The following TENM2 variants were observed in gnomAD, a reference collection of about 807,000 sequenced individuals.
TENM2 encodes the protein teneurin-2.
In TENM2, 52 loss-of-function variants were observed where a neutral mutation model predicts 245.2. The ratio of observed to expected loss-of-function variants is 0.21; its 90% confidence interval spans 0.17 to 0.27. TENM2 has a LOEUF of 0.27. TENM2 is among the 10% of genes least tolerant of loss of function. TENM2 has a pLI of 1.00. For synonymous variants in TENM2, 1,363 were observed against 1,438.9 expected (o/e 0.95, Z 1.19); for missense variants, 3,046 against 3,666.8 (o/e 0.83, Z 4.37).
intron 2 of TENM2, among the ~76,000 whole-genome samples, chr5:167,771,134 ACTCTCT>A (rs144373096): frequency 6.7e-6 from 1 of 148,990 alleles, no homozygotes; most frequent in Non-Finnish European, 1.5e-5. Flanking sequence ...TCAATCGGTC[ACTCTCT>A]CTCTCTCTCT....
At chr5:167,021,390 A>G in the TENM2 span, among the ~76,000 whole-genome samples, 2 of 152,246 alleles carry the variant, frequency 1.3e-5, no homozygotes, top group South Asian at 4.1e-4. Flanking sequence ...TTAAAATGCT[A>G]TAAAAAACTG....
the TENM2 span, among the ~76,000 whole-genome samples, chr5:167,089,790 T>C: frequency 1.4e-4 from 22 of 152,296 alleles, no homozygotes; most frequent in Admixed American, 4.6e-4. Flanking sequence ...TCAGGCCTAG[T>C]TGACAAGCAG....
chr5:167,766,069 T>A (rs1454667287), intron 2 of TENM2, among the ~76,000 whole-genome samples: 1 of 152,164 alleles, frequency 6.6e-6, no homozygotes, highest in African/African-American at 2.4e-5. Flanking sequence ...GCAGAAATAT[T>A]ATAACTGAAT....
At chr5:167,161,406 G>A in the TENM2 span, among the ~76,000 whole-genome samples, 6 of 152,102 alleles carry the variant, frequency 3.9e-5, no homozygotes, top group African/African-American at 7.2e-5. Flanking sequence ...TTTCTTCCCC[G>A]TTCTTCAACT....
At chr5:167,054,896 G>T in the TENM2 span, among the ~76,000 whole-genome samples, 2 of 151,890 alleles carry the variant, frequency 1.3e-5, no homozygotes, top group African/African-American at 2.4e-5. Flanking sequence ...TTTTATTGTT[G>T]AGTTTTAAGG....
In TENM2 at chr5:167,612,899, G is replaced by T. The variant is rs528330193; in HGVS notation, c.502+237426G>T. Among the ~76,000 whole-genome samples the T allele has an allele frequency of 3.9e-5, 6 of 152,192 alleles. No individual in the cohort carries two copies. In the South Asian group the frequency reaches 1.2e-3, roughly 32 times the overall value. On this transcript the variant is annotated intron_variant, in intron 2 of 28. Coordinates refer to ENST00000518659, the Ensembl canonical transcript of TENM2. Reference sequence around the variant, plus strand: ...CAGAAATGGATGTGTCCACTGGAGAGTTTCCAGTAACAAAAATAGACATAT... The same window carrying T: ...CAGAAATGGATGTGTCCACTGGAGATTTTCCAGTAACAAAAATAGACATAT...
chr5:167,751,253 G>A (rs1164125685), intron 2 of TENM2, among the ~76,000 whole-genome samples: 2 of 152,124 alleles, frequency 1.3e-5, no homozygotes, highest in Non-Finnish European at 1.5e-5. Context: ...AAAACAGGAA[G>A]CCAGTGACAG....
chr5:167,390,316 G>A (rs1761677373), intron 2 of TENM2, among the ~76,000 whole-genome samples: 1 of 152,158 alleles, frequency 6.6e-6, no homozygotes, highest in Non-Finnish European at 1.5e-5. Flanking sequence ...TTGGAATGCA[G>A]GACTTTATAT....
intron 2 of TENM2, among the ~76,000 whole-genome samples, chr5:167,669,880 A>C (rs1425970946): frequency 6.6e-6 from 1 of 151,970 alleles, no homozygotes; most frequent in Non-Finnish European, 1.5e-5. Flanking sequence ...TTTTAAATAA[A>C]AGACTATTAA....
rs571309399 is a variant in TENM2 at position 167,414,634 on chromosome 5, T to C, written c.502+39161T>C. The stretch of plus-strand genomic sequence containing the variant: ...ATTGTTGTGTCTGGGTGTATGAAAA[T>C]ATCAGATCTTGGGATCTGCAATAAA... On this transcript the variant is annotated intron_variant, in intron 2 of 28. Coordinates refer to ENST00000518659, the Ensembl canonical transcript of TENM2. Among the ~76,000 whole-genome samples, 22 of 152,174 alleles carry C rather than the reference T, an allele frequency of 1.4e-4. No homozygotes were observed. In the East Asian group the frequency reaches 1.9e-3, roughly 13 times the overall value.
chr5:167,321,782 C>CTTTTTTTTTTTTTTTTTTTTTTTTTTT (rs1191717159), intron 1 of TENM2, among the ~76,000 whole-genome samples: 1 of 59,738 alleles, frequency 1.7e-5, no homozygotes. Context: ...GCTGCCTTGG[C>CTTTTTTTTTTTTTTTTTTTTTTTTTTT]TTATTTTTTT....
the TENM2 span, among the ~76,000 whole-genome samples, chr5:167,016,594 G>T: frequency 6.6e-6 from 1 of 152,236 alleles, no homozygotes; most frequent in Admixed American, 6.5e-5. Flanking sequence ...TACATAAAAT[G>T]GAATATTATT....
At chr5:167,088,230 C>T in the TENM2 span, among the ~76,000 whole-genome samples, 768 of 152,210 alleles carry the variant, frequency 5.0e-3, 6 homozygotes, top group African/African-American at 0.017. Flanking sequence ...TGAAAATAGT[C>T]CTGTATTTGG....
intron 1 of TENM2, among the ~76,000 whole-genome samples, chr5:167,307,074 C>T (rs531628418): frequency 6.6e-6 from 1 of 152,308 alleles, no homozygotes; most frequent in South Asian, 2.1e-4. Flanking sequence ...ATACTCCCCG[C>T]AACACTGGCC....
intron 3 of TENM2, among the ~76,000 whole-genome samples, chr5:167,940,745 G>T (rs148649069): frequency 2.6e-5 from 4 of 152,100 alleles, no homozygotes; most frequent in Non-Finnish European, 4.4e-5. Flanking sequence ...CTGATATTCT[G>T]GGCAATTCCT....
chr5:168,155,374 AAAC>A (rs1757063609), intron 12 of TENM2, among the ~76,000 whole-genome samples: 1 of 141,846 alleles, frequency 7.0e-6, no homozygotes, highest in Non-Finnish European at 1.5e-5. Flanking sequence ...AACAAAAAAA[AAAC>A]AGTGATATTT....
At chr5:167,768,945 C>T (rs1263324669) in intron 2 of TENM2, among the ~76,000 whole-genome samples, 2 of 152,128 alleles carry the variant, frequency 1.3e-5, no homozygotes, top group Non-Finnish European at 2.9e-5. Context: ...CACTTTCTTC[C>T]CCACATCTCC....
chr5:167,030,542 G>A, the TENM2 span, among the ~76,000 whole-genome samples: 1 of 152,064 alleles, frequency 6.6e-6, no homozygotes, highest in Non-Finnish European at 1.5e-5. Context: ...CTTGGCGCGT[G>A]ACCTGTGCCC....
chr5:167,278,086 T>C, the TENM2 span, among the ~76,000 whole-genome samples: 1 of 151,228 alleles, frequency 6.6e-6, no homozygotes, highest in Non-Finnish European at 1.5e-5. Flanking sequence ...GGTAGATCTC[T>C]TGGGCCCAGG....
Sources: allele counts gnomAD v4.1 joint callset (sites outside exome capture counted in the v4.1 genomes callset), GRCh38; gene constraint gnomAD v4.1.1; transcripts MANE v1.5; gene names NCBI Gene and HGNC (gene_info 2026-07-23, HGNC 2026-07-21).